DENND4C: variants seen among roughly 807,000 people sequenced by gnomAD.
DENND4C encodes DENN domain-containing protein 4C.
In DENND4C, 108 loss-of-function variants were observed where a neutral mutation model predicts 203.0. That is an observed-to-expected ratio of 0.53 (90% CI 0.46 to 0.62). DENND4C has a LOEUF of 0.62. DENND4C is among the 20% of genes least tolerant of loss of function. The pLI, the probability that DENND4C is intolerant of heterozygous loss-of-function variation, is 0.00. For synonymous variants in DENND4C, 871 were observed against 792.4 expected (o/e 1.10, Z -1.67); for missense variants, 2,481 against 2,301.2 (o/e 1.08, Z -1.60).
intron 23 of DENND4C, 34 bp downstream of exon 23, chr9:19,347,120 A>C: frequency 6.4e-7 from 1 of 1,553,130 alleles, no homozygotes; most frequent in Non-Finnish European, 8.8e-7. Flanking sequence ...TCTGTCTGCT[A>C]TTGGAGTGTT....
chr9:19,319,730 A>T (rs566223423), intron 12 of DENND4C, among the ~76,000 whole-genome samples: 1 of 152,090 alleles, frequency 6.6e-6, no homozygotes, highest in African/African-American at 2.4e-5. Flanking sequence ...TTGGTCTACT[A>T]GGGGACACAG....
intron 30 of DENND4C, 112 bp downstream of exon 30, chr9:19,362,075 A>C (rs1046144984): frequency 5.1e-6 from 3 of 588,224 alleles, no homozygotes; most frequent in African/African-American, 1.9e-5. Context: ...GGAGTTGGAG[A>C]CCAGGCTGGC....
chr9:19,368,276 T>C (rs1346698693), intron 30 of DENND4C, among the ~76,000 whole-genome samples: 1 of 109,284 alleles, frequency 9.2e-6, no homozygotes, highest in Non-Finnish European at 1.8e-5. Flanking sequence ...TTTTTTTTTT[T>C]CGGTTTAACA....
At position 19,332,090 on chromosome 9, in the gene DENND4C, A is replaced by G. The variant is rs201075354; in HGVS notation, c.2366A>G (p.Tyr789Cys). The G allele has an allele frequency of 6.9e-5, 112 of 1,614,044 alleles. No individual in the cohort carries two copies. The African/African-American group carries it at 1.3e-3, about 18-fold the overall frequency. Residue 789 changes from tyrosine (Y) to cysteine (C), a missense_variant, in exon 17 of 33, where the codon TAT becomes TGT. By Grantham distance (194) the Tyr-to-Cys change is radical. This residue lies in a region of DENND4C where 2,289 missense variants were observed against 2,113.3 expected (regional missense o/e 1.08). Transcript: ENST00000434457. Reference sequence around the variant, plus strand: ...TTATGGTTTATTTGTCTTCCGGCCTATGTTAGAGTTTCTCATCCTAAAGTC... The same window carrying G: ...TTATGGTTTATTTGTCTTCCGGCCTGTGTTAGAGTTTCTCATCCTAAAGTC... ...YSLWFICLPA[Y>C]VRVSHPKVRA...
At chr9:19,303,609 A>G (rs532554270) in intron 9 of DENND4C, among the ~76,000 whole-genome samples, 2 of 152,356 alleles carry the variant, frequency 1.3e-5, no homozygotes, top group African/African-American at 4.8e-5. Context: ...CATTATGTAG[A>G]ACAGTGATTG....
chr9:19,352,033 A>G, intron 24 of DENND4C, 40 bp from the exon 25 acceptor site: 2 of 1,553,770 alleles, frequency 1.3e-6, no homozygotes, highest in East Asian at 2.2e-5. Context: ...AAACAAGGAC[A>G]TTCCTTACTT....
At chr9:19,296,267 G>T in intron 6 of DENND4C, 21 bp downstream of exon 6, 1 of 1,496,488 alleles carries the variant, frequency 6.7e-7, no homozygotes, top group Non-Finnish European at 9.2e-7. Flanking sequence ...TGATTAGAAA[G>T]ATGGCTGGTG....
chr9:19,276,318 T>A lies in DENND4C; in HGVS notation c.144T>A (p.Ile48=). The change falls in exon 2 of 33, where the codon ATT becomes ATA. Residue 48 remains isoleucine, a synonymous_variant. Transcript: ENST00000434457. The stretch of plus-strand genomic sequence containing the variant: ...AAGCTCCAATTACAGACATTGCCAT[T>A]ATTATCAAATCAGCTGGAGAAACAG... ...GPKAPITDIA[I]IIKSAGETVP... 1 of 1,232,094 alleles carries A rather than the reference T, an allele frequency of 8.1e-7. No individual in the cohort carries two copies. Among genetic ancestry groups the A allele is most frequent in the Non-Finnish European group, 1.0e-6 (1 of 987,940 alleles). The allele number at this position is 1,232,094 out of a possible 1,614,324, so 76.3% of individuals were successfully genotyped here.
At chr9:19,282,687 T>G (rs4977529) in intron 2 of DENND4C, among the ~76,000 whole-genome samples, 78,281 of 146,488 alleles carry the variant, frequency 0.53, 21,267 homozygotes, top group South Asian at 0.66. Context: ...CTTTATTTTT[T>G]GTTTTTCTTT....
intron 1 of DENND4C, among the ~76,000 whole-genome samples, chr9:19,268,761 C>G (rs987350567): frequency 6.6e-6 from 1 of 152,078 alleles, no homozygotes; most frequent in Admixed American, 6.6e-5. Context: ...ATGTCATACA[C>G]TCTCTCCTAG....
In DENND4C at chr9:19,358,413, TTCTC is replaced by T. The variant is rs1011362044; in HGVS notation, c.5160+257_5160+260del. Among the ~76,000 whole-genome samples, 3 of 152,230 alleles carry T rather than the reference TTCTC, an allele frequency of 2.0e-5. No homozygotes were observed. The highest frequency in any genetic ancestry group is 2.9e-5 in the Non-Finnish European group (2 of 68,044). On this transcript the variant is annotated intron_variant, in intron 28 of 32. Transcript: ENST00000434457. The surrounding 1 kb of genome is among the most constrained non-coding windows in gnomAD (Gnocchi z 4.8). ...TTCTTTTATGTATATTCTCATTCAG[TTCTC>T]TCTTTTTTTGAGATTATTTTGAAGC...
chr9:19,251,061 A>C (rs1282765618), intron 1 of DENND4C, among the ~76,000 whole-genome samples: 1 of 152,144 alleles, frequency 6.6e-6, no homozygotes, highest in Non-Finnish European at 1.5e-5. Flanking sequence ...CCCACCCCAC[A>C]TTTCCCTTCC....
chr9:19,262,286 C>A (rs1342522219), intron 1 of DENND4C, among the ~76,000 whole-genome samples: 1 of 151,618 alleles, frequency 6.6e-6, no homozygotes, highest in Non-Finnish European at 1.5e-5. Context: ...GGGGGTTTCA[C>A]CATGTTGGCC....
Position 19,357,960 on chromosome 9 carries a change from T to C in DENND4C, c.4965-5T>C, listed in dbSNP as rs779082358. ...CATAGCATTTCTTCTATATTTATTTTTAAGTGATGAAATAAAGAGAGCCAG... is the reference window on the plus strand; with the variant it reads ...CATAGCATTTCTTCTATATTTATTTCTAAGTGATGAAATAAAGAGAGCCAG... On this transcript the variant is annotated splice_polypyrimidine_tract_variant and splice_region_variant and intron_variant, in intron 27 of 32. Transcript: ENST00000434457. 1 of 1,589,296 alleles carries C rather than the reference T, an allele frequency of 6.3e-7. No homozygotes were observed. The highest frequency in any genetic ancestry group is 1.4e-5 in the African/African-American group (1 of 74,012).
intron 23 of DENND4C, 145 bp from the exon 24 acceptor site, chr9:19,350,553 TAGTG>T (rs1307724105): frequency 2.8e-5 from 17 of 612,992 alleles, no homozygotes; most frequent in African/African-American, 2.6e-4. Flanking sequence ...AGTGAAATAA[TAGTG>T]AGGAGATTTC....
chr9:19,249,600 A>T (rs963528491), intron 1 of DENND4C, among the ~76,000 whole-genome samples: 1 of 152,158 alleles, frequency 6.6e-6, no homozygotes, highest in African/African-American at 2.4e-5. Context: ...CTTTCCCTTT[A>T]GCCACAAAAC....
chr9:19,305,299 A>ATT, intron 9 of DENND4C, 53 bp from the exon 10 acceptor site: 2 of 1,516,556 alleles, frequency 1.3e-6, no homozygotes. Flanking sequence ...TTACTTATAT[A>ATT]TTTTTTATTG....
intron 23 of DENND4C, among the ~76,000 whole-genome samples, chr9:19,348,441 T>G (rs1486449220): frequency 6.6e-6 from 1 of 152,166 alleles, no homozygotes; most frequent in African/African-American, 2.4e-5. Flanking sequence ...AAGGATAAAT[T>G]TGACATTTGG....
At chr9:19,317,472 T>C (rs1363326059) in intron 12 of DENND4C, among the ~76,000 whole-genome samples, 1 of 152,236 alleles carries the variant, frequency 6.6e-6, no homozygotes, top group Non-Finnish European at 1.5e-5. Context: ...ATTTTTGTTG[T>C]TATTCAGCTA....
Sources: allele counts gnomAD v4.1 joint callset (sites outside exome capture counted in the v4.1 genomes callset), GRCh38; gene constraint gnomAD v4.1.1; regional missense constraint gnomAD v4.1.1; non-coding constraint Gnocchi (gnomAD v3.1); transcripts MANE v1.5; gene names NCBI Gene and HGNC (gene_info 2026-07-23, HGNC 2026-07-21).